The following RBFOX1 variants were observed in gnomAD, a reference collection of about 807,000 sequenced individuals.
RBFOX1 encodes the protein RNA binding fox-1 homolog 1.
In RBFOX1, 8 loss-of-function variants were observed where a neutral mutation model predicts 57.7. The observed-to-expected ratio is 0.14, with a 90% CI of 0.08 to 0.25. The LOEUF (loss-of-function observed/expected upper bound fraction) is 0.25, where lower values mean the gene tolerates loss of function less well. RBFOX1 is among the 10% of genes least tolerant of loss of function. The pLI is 1.00. For synonymous variants in RBFOX1, 326 were observed against 222.4 expected, an observed-to-expected ratio of 1.47 and a Z score of -4.15; for missense variants, 611 against 548.5, an observed-to-expected ratio of 1.11 and a Z score of -1.14.
chr16:6,939,556 G>C (rs1342900950), intron 3 of RBFOX1, among the ~76,000 whole-genome samples: 1 of 149,666 alleles, frequency 6.7e-6, no homozygotes, highest in East Asian at 1.9e-4. Flanking sequence ...TGTCATGCAG[G>C]CTGGAGTTCA....
chr16:5,944,999 G>GAC (rs1333542507), intron 4 of RBFOX1, among the ~76,000 whole-genome samples: 2 of 145,554 alleles, frequency 1.4e-5, no homozygotes, highest in Non-Finnish European at 3.0e-5. Flanking sequence ...GAGAGAGAGA[G>GAC]AGAGAGAAAG....
chr16:6,272,631 C>A (rs1196571256), intron 1 of RBFOX1, among the ~76,000 whole-genome samples: 1 of 152,096 alleles, frequency 6.6e-6, no homozygotes, highest in East Asian at 1.9e-4. Context: ...AAAAGCTTAA[C>A]AATTTTGTAA....
intron 3 of RBFOX1, among the ~76,000 whole-genome samples, chr16:6,841,152 T>TA (rs2093440219): frequency 6.6e-6 from 1 of 152,158 alleles, no homozygotes; most frequent in Non-Finnish European, 1.5e-5. Context: ...GATATTAGCC[T>TA]ATGGCATTTT....
intron 4 of RBFOX1, among the ~76,000 whole-genome samples, chr16:7,362,507 G>C (rs961376167): frequency 3.4e-5 from 5 of 147,892 alleles, no homozygotes; most frequent in Non-Finnish European, 4.4e-5. Flanking sequence ...GTATGTGCAT[G>C]TTTTTTGTGT....
intron 2 of RBFOX1, among the ~76,000 whole-genome samples, chr16:5,517,565 A>C (rs2043838244): frequency 6.6e-6 from 1 of 152,178 alleles, no homozygotes; most frequent in South Asian, 2.1e-4. Context: ...GTCCACTGTG[A>C]ATGGTGATTT....
At chr16:7,172,462 A>C (rs1221622310) in intron 4 of RBFOX1, among the ~76,000 whole-genome samples, 2 of 152,188 alleles carry the variant, frequency 1.3e-5, no homozygotes, top group Non-Finnish European at 2.9e-5. Context: ...TCTGTCTCCC[A>C]CAACCACCCT....
chr16:6,702,699 A>G (rs943458002), intron 3 of RBFOX1, among the ~76,000 whole-genome samples: 1 of 152,204 alleles, frequency 6.6e-6, no homozygotes, highest in Non-Finnish European at 1.5e-5. Flanking sequence ...TGTACGGCAG[A>G]TACTGTTCTC....
At chr16:6,743,925 A>G (rs1266862291) in intron 3 of RBFOX1, among the ~76,000 whole-genome samples, 1 of 151,250 alleles carries the variant, frequency 6.6e-6, no homozygotes, top group Non-Finnish European at 1.5e-5. Context: ...TATACAGTAA[A>G]TGATTTTCCA....
intron 4 of RBFOX1, among the ~76,000 whole-genome samples, chr16:7,099,415 A>G (rs1274726287): frequency 6.6e-6 from 1 of 152,130 alleles, no homozygotes; most frequent in East Asian, 1.9e-4. Context: ...CCAGAAGGGG[A>G]ATGGGATGAA....
chr16:7,008,410 C>T (rs890882329), intron 3 of RBFOX1, among the ~76,000 whole-genome samples: 14 of 151,810 alleles, frequency 9.2e-5, no homozygotes, highest in Non-Finnish European at 1.5e-4. Flanking sequence ...GGCATGGTGG[C>T]GCATCTGTAA....
chr16:6,798,418 C>T (rs911774694), intron 3 of RBFOX1, among the ~76,000 whole-genome samples: 13 of 152,264 alleles, frequency 8.5e-5, no homozygotes, highest in Middle Eastern at 3.4e-3. Flanking sequence ...GGTGGTCCTG[C>T]TTAATAGATA....
At chr16:7,410,399 C>A (rs993652302) in intron 4 of RBFOX1, among the ~76,000 whole-genome samples, 1 of 152,192 alleles carries the variant, frequency 6.6e-6, no homozygotes, top group South Asian at 2.1e-4. Context: ...ACTGCAGCCT[C>A]GGCTGAGCGT....
chr16:6,802,489 C>A (rs2085715915), intron 3 of RBFOX1, among the ~76,000 whole-genome samples: 1 of 152,058 alleles, frequency 6.6e-6, no homozygotes, highest in Non-Finnish European at 1.5e-5. Context: ...CCAGCCTGAC[C>A]AATTTGGCAA....
At chr16:7,143,017 G>A (rs1442991330) in intron 4 of RBFOX1, among the ~76,000 whole-genome samples, 1 of 151,890 alleles carries the variant, frequency 6.6e-6, no homozygotes, top group Non-Finnish European at 1.5e-5. Context: ...GAGTGCTTTA[G>A]GAGAGGTAAA....
chr16:5,241,156 A>T (rs1051285940), intron 1 of RBFOX1, among the ~76,000 whole-genome samples: 8 of 152,178 alleles, frequency 5.3e-5, no homozygotes, highest in Non-Finnish European at 1.0e-4. Flanking sequence ...GCTGCCTCAG[A>T]GCCCCCCCTG....
At chr16:7,044,700 A>AG (rs2047307739) in intron 3 of RBFOX1, among the ~76,000 whole-genome samples, 1 of 147,096 alleles carries the variant, frequency 6.8e-6, no homozygotes, top group Admixed American at 6.8e-5. Flanking sequence ...CTGCCATGGG[A>AG]GAAAAAAAAT....
At chr16:6,816,030 G>A (rs142256184) in intron 3 of RBFOX1, among the ~76,000 whole-genome samples, 1 of 152,272 alleles carries the variant, frequency 6.6e-6, no homozygotes, top group African/African-American at 2.4e-5. Flanking sequence ...AAAATAATCG[G>A]CCAGGAGCAA....
chr16:7,431,732 G>C (rs1046044196), intron 4 of RBFOX1, among the ~76,000 whole-genome samples: 8 of 152,134 alleles, frequency 5.3e-5, no homozygotes, highest in Admixed American at 3.9e-4. Context: ...TCTGGCAATT[G>C]CTACAGAACA....
At chr16:5,643,467 C>A (rs899684034) in intron 3 of RBFOX1, among the ~76,000 whole-genome samples, 2 of 152,186 alleles carry the variant, frequency 1.3e-5, no homozygotes, top group African/African-American at 4.8e-5. Context: ...TAGAGCTTCT[C>A]TGCTGAGAGG....
Sources: gnomAD v4.1 joint callset for allele counts (sites outside exome capture counted in the v4.1 genomes callset) on GRCh38, gnomAD v4.1.1 for gene constraint, MANE v1.5 for transcripts, NCBI Gene and HGNC (gene_info 2026-07-23, HGNC 2026-07-21) for gene names.